PDE1C: variants seen among roughly 807,000 people sequenced by gnomAD.
PDE1C encodes the protein phosphodiesterase 1C.
PDE1C carries 62 observed loss-of-function variants against 93.1 expected under a neutral mutation model. The ratio of observed to expected loss-of-function variants is 0.67; its 90% CI spans 0.54 to 0.82. PDE1C has a LOEUF of 0.82. PDE1C is among the 40% of genes least tolerant of loss of function. The probability of loss-of-function intolerance (pLI) is 0.00; values close to 1 mark genes in which losing one functional copy is unlikely to be tolerated. For synonymous variants in PDE1C, 325 were observed against 310.1 expected (o/e 1.05, Z -0.50); for missense variants, 742 against 884.6 (o/e 0.84, Z 2.04).
chr7:31,935,642 A>G (rs1310580369), intron 2 of PDE1C, among the ~76,000 whole-genome samples: 1 of 152,180 alleles, frequency 6.6e-6, no homozygotes, highest in East Asian at 1.9e-4. Flanking sequence ...TAATAATAAA[A>G]TAAGACTCAG....
At chr7:31,741,140 G>A in the PDE1C span, among the ~76,000 whole-genome samples, 1 of 150,688 alleles carries the variant, frequency 6.6e-6, no homozygotes, top group Non-Finnish European at 1.5e-5. Flanking sequence ...ATATAATGTT[G>A]TTTTGATCTT....
intron 2 of PDE1C, among the ~76,000 whole-genome samples, chr7:31,892,275 C>CTATA (rs144101843): frequency 2.1e-3 from 322 of 152,236 alleles, no homozygotes; most frequent in African/African-American, 7.2e-3. Flanking sequence ...CCAGTGAGGG[C>CTATA]TATAATCAGT....
the PDE1C span, among the ~76,000 whole-genome samples, chr7:31,706,041 G>GTCTTGCTCTAGTC: frequency 9.5e-6 from 1 of 105,454 alleles, no homozygotes. Context: ...GTCTTGCTCT[G>GTCTTGCTCTAGTC]TTGCCCAGGC....
the PDE1C span, among the ~76,000 whole-genome samples, chr7:31,663,437 AGTTTATCTTGCAGTTTTTTCTGT>A: frequency 1.3e-5 from 2 of 152,098 alleles, no homozygotes; most frequent in African/African-American, 4.8e-5. Context: ...CAAGAGAGAG[AGTTTATCTTGCAGTTTTTTCTGT>A]TAACAGCTTT....
At chr7:31,898,695 T>C (rs903158096) in intron 2 of PDE1C, among the ~76,000 whole-genome samples, 3 of 152,246 alleles carry the variant, frequency 2.0e-5, no homozygotes, top group Non-Finnish European at 2.9e-5. Context: ...AATTTGTTGA[T>C]GCTTATTGCT....
chr7:32,029,114 C>A (rs752109145), intron 2 of PDE1C, among the ~76,000 whole-genome samples: 1 of 152,084 alleles, frequency 6.6e-6, no homozygotes, highest in South Asian at 2.1e-4. Context: ...TGAAGACATA[C>A]AAGTGACCAA....
rs963565244 is a variant in PDE1C, at chr7:31,927,279, A to G, written c.129-46419T>C. On this transcript the variant is annotated intron_variant, in intron 2 of 17. Transcript: ENST00000396191. ...TCACTTGGCAGGACATCTCTGAAAGAAAGGCGGCAGCCTCAGTCAGGGGCT... is the reference window on the plus strand; with the variant it reads ...TCACTTGGCAGGACATCTCTGAAAGGAAGGCGGCAGCCTCAGTCAGGGGCT... Among the ~76,000 whole-genome samples, 21 of 152,328 alleles carry G rather than the reference A, an allele frequency of 1.4e-4. 1 individual carries two copies. Among genetic ancestry groups the G allele is most frequent in the African/African-American group, 5.1e-4 (21 of 41,580 alleles).
At chr7:31,717,364 C>T in the PDE1C span, among the ~76,000 whole-genome samples, 3 of 152,188 alleles carry the variant, frequency 2.0e-5, no homozygotes, top group African/African-American at 7.2e-5. Flanking sequence ...ACAGTTTCAG[C>T]TTGAACTGTC....
intron 16 of PDE1C, among the ~76,000 whole-genome samples, chr7:31,777,613 C>T (rs1479522880): frequency 6.6e-6 from 1 of 152,100 alleles, no homozygotes; most frequent in East Asian, 1.9e-4. Flanking sequence ...AGACATGAGC[C>T]ACCGCACCCA....
At chr7:31,719,160 A>G in the PDE1C span, among the ~76,000 whole-genome samples, 6 of 152,342 alleles carry the variant, frequency 3.9e-5, no homozygotes, top group East Asian at 1.2e-3. Context: ...TTAACAACCT[A>G]CCAGAAATGT....
At chr7:32,177,456 T>C (rs1425533023) in intron 2 of PDE1C, among the ~76,000 whole-genome samples, 1 of 152,134 alleles carries the variant, frequency 6.6e-6, no homozygotes, top group Admixed American at 6.5e-5. Flanking sequence ...ATAATATGTC[T>C]GAGTCACCTT....
At chr7:32,268,831 G>A (rs555018869) in intron 1 of PDE1C, among the ~76,000 whole-genome samples, 13 of 152,204 alleles carry the variant, frequency 8.5e-5, no homozygotes, top group African/African-American at 2.6e-4. Context: ...TTCTTCCTGG[G>A]TCCTCAAATG....
chr7:31,797,262 A>G (rs1456571570), intron 16 of PDE1C, among the ~76,000 whole-genome samples: 1 of 151,770 alleles, frequency 6.6e-6, no homozygotes, highest in Non-Finnish European at 1.5e-5. Flanking sequence ...AAAATAACCT[A>G]CGCAGATGCT....
intron 1 of PDE1C, among the ~76,000 whole-genome samples, chr7:32,339,892 T>C (rs771151541): frequency 4.6e-5 from 7 of 152,138 alleles, no homozygotes; most frequent in Non-Finnish European, 8.8e-5. Flanking sequence ...TCTGTGGTCT[T>C]ACATTTGAAA....
chr7:32,169,866 T>C (rs1264445408), exon 3 of PDE1C: 1 of 1,612,462 alleles, frequency 6.2e-7, no homozygotes, highest in Non-Finnish European at 8.5e-7. Flanking sequence ...GGGTCGAGGG[T>C]CATGGACAAT....
intron 2 of PDE1C, among the ~76,000 whole-genome samples, chr7:32,207,856 G>A (rs940357772): frequency 6.6e-6 from 1 of 152,200 alleles, no homozygotes. Context: ...CCCAACCTTC[G>A]TCTGTCTTGT....
chr7:32,079,951 C>T (rs990504365), intron 3 of PDE1C, among the ~76,000 whole-genome samples: 6 of 152,102 alleles, frequency 3.9e-5, no homozygotes, highest in Non-Finnish European at 5.9e-5. Context: ...CAAGTGGTCA[C>T]GGATGGCCTC....
At chr7:32,095,213 T>C (rs1797686986) in intron 3 of PDE1C, among the ~76,000 whole-genome samples, 1 of 152,196 alleles carries the variant, frequency 6.6e-6, no homozygotes, top group Non-Finnish European at 1.5e-5. Context: ...CAATGTTCCA[T>C]GCTCAGCTTG....
intron 1 of PDE1C, among the ~76,000 whole-genome samples, chr7:32,054,137 G>C (rs1793740976): frequency 6.6e-6 from 1 of 152,054 alleles, no homozygotes; most frequent in African/African-American, 2.4e-5. Flanking sequence ...TACCCAGGGG[G>C]AGTGTCACCT....
Sources: gnomAD v4.1 joint callset for allele counts (sites outside exome capture counted in the v4.1 genomes callset) on GRCh38, gnomAD v4.1.1 for gene constraint, MANE v1.5 for transcripts, NCBI Gene and HGNC (gene_info 2026-07-23, HGNC 2026-07-21) for gene names.